EIPR1: variants seen among roughly 807,000 people sequenced by gnomAD.
The protein encoded by EIPR1 is EARP complex and GARP complex interacting protein 1.
In EIPR1, 25 loss-of-function variants were observed where a neutral mutation model predicts 48.1. The observed-to-expected ratio is 0.52, with a 90% confidence interval of 0.38 to 0.73. The LOEUF (loss-of-function observed/expected upper bound fraction) is 0.73, where lower values mean the gene tolerates loss of function less well. Ranked by LOEUF, EIPR1 falls within the 30% of genes least tolerant of loss-of-function variation. The probability of loss-of-function intolerance (pLI) is 0.00; values close to 1 mark genes in which losing one functional copy is unlikely to be tolerated. For missense variants in EIPR1, 415 were observed against 506.2 expected, an observed-to-expected ratio of 0.82 and a Z score of 1.73; for synonymous variants, 204 against 201.9, an observed-to-expected ratio of 1.01 and a Z score of -0.09.
chr2:3,359,118 G>A (rs867742047), intron 1 of EIPR1, among the ~76,000 whole-genome samples: 3 of 152,134 alleles, frequency 2.0e-5, no homozygotes, highest in East Asian at 1.9e-4. Context: ...GATGATAGAC[G>A]ATTAAGTATC....
chr2:3,343,561 G>A (rs1474256714), intron 2 of EIPR1, among the ~76,000 whole-genome samples: 4 of 152,210 alleles, frequency 2.6e-5, no homozygotes, highest in Admixed American at 2.6e-4. Flanking sequence ...TCAAACTCAT[G>A]TATTTTGAAT....
intron 3 of EIPR1, among the ~76,000 whole-genome samples, chr2:3,263,215 C>T (rs1448169603): frequency 6.6e-6 from 1 of 152,176 alleles, no homozygotes; most frequent in Non-Finnish European, 1.5e-5. Flanking sequence ...GGGCTCCCAG[C>T]ACTGCTCTGG....
At chr2:3,277,249 C>T (rs1667879731) in intron 3 of EIPR1, among the ~76,000 whole-genome samples, 1 of 151,184 alleles carries the variant, frequency 6.6e-6, no homozygotes, top group African/African-American at 2.4e-5. Context: ...CGGCCCCACA[C>T]CTGTCTCCAC....
intron 1 of EIPR1, among the ~76,000 whole-genome samples, chr2:3,376,244 G>T (rs545040711): frequency 1.3e-5 from 2 of 152,212 alleles, no homozygotes; most frequent in African/African-American, 2.4e-5. Flanking sequence ...CAGCCATGAG[G>T]TGGGGGGGAG....
intron 2 of EIPR1, among the ~76,000 whole-genome samples, chr2:3,341,265 G>A (rs569776092): frequency 2.6e-5 from 4 of 152,236 alleles, no homozygotes; most frequent in Admixed American, 6.5e-5. Flanking sequence ...CACCTTGTGC[G>A]ATTACCTCAG....
intron 5 of EIPR1, among the ~76,000 whole-genome samples, chr2:3,198,703 CCAG>C (rs1664896066): frequency 6.6e-6 from 1 of 152,054 alleles, no homozygotes; most frequent in South Asian, 2.1e-4. Flanking sequence ...AGCCGTAAAA[CCAG>C]CAAGTTTTTA....
At chr2:3,222,524 T>C (rs1665928832) in intron 4 of EIPR1, among the ~76,000 whole-genome samples, 1 of 31,474 alleles carries the variant, frequency 3.2e-5, no homozygotes, top group Non-Finnish European at 1.2e-4. Flanking sequence ...TTGATTTGCT[T>C]TAGAAAATAA....
At position 3,356,129 on chromosome 2, in the gene EIPR1, C is replaced by T. The variant is rs148285863; in HGVS notation, c.43-1496G>A. 3.6e-3 allele frequency among the ~76,000 whole-genome samples: 548 copies of T among 152,340 alleles called. 3 individuals carry two copies. Among genetic ancestry groups the T allele is most frequent in the Middle Eastern group, 0.031 (9 of 294 alleles). On this transcript the variant is annotated intron_variant, in intron 1 of 8. Coordinates refer to ENST00000382125, the MANE Select transcript of EIPR1 (RefSeq NM_003310.5). Reference sequence around the variant, plus strand: ...TCCAATGGGGAGCTCTGGAGCCGGACGGCCCTTCAGAGTTAAGGCCAGATG... The same window carrying T: ...TCCAATGGGGAGCTCTGGAGCCGGATGGCCCTTCAGAGTTAAGGCCAGATG...
chr2:3,215,740 G>GCATA (rs1387324774), intron 4 of EIPR1, among the ~76,000 whole-genome samples: 6 of 152,192 alleles, frequency 3.9e-5, no homozygotes, highest in African/African-American at 1.4e-4. Context: ...GCACCCTCAA[G>GCATA]CATACCTCCC....
In EIPR1 at chr2:3,218,703, G is replaced by A. The variant is rs542193967; in HGVS notation, c.417-4455C>T. On this transcript the variant is annotated intron_variant, in intron 4 of 8. Transcript: ENST00000382125. Reference sequence around the variant, plus strand: ...AGTGAGTCAGGTGGACACCCAACACGGCCCTGATACGCTCTAGAGCTTTCA... The same window carrying A: ...AGTGAGTCAGGTGGACACCCAACACAGCCCTGATACGCTCTAGAGCTTTCA... 4.0e-5 allele frequency among the ~76,000 whole-genome samples: 6 copies of A among 149,484 alleles called. No individual in the cohort carries two copies. In the East Asian group the frequency reaches 8.2e-4, roughly 20 times the overall value.
At chr2:3,190,007 T>C (rs1664548253) in intron 8 of EIPR1, among the ~76,000 whole-genome samples, 3 of 152,102 alleles carry the variant, frequency 2.0e-5, no homozygotes, top group East Asian at 1.9e-4. Flanking sequence ...CTTGCTAGGA[T>C]GGGAGTGGGG....
At chr2:3,360,307 G>T (rs1039872192) in intron 1 of EIPR1, among the ~76,000 whole-genome samples, 94 of 152,130 alleles carry the variant, frequency 6.2e-4, no homozygotes, top group African/African-American at 2.2e-3. Context: ...AAGAGGCTAA[G>T]GCAGGAGAAT....
chr2:3,299,661 T>TACAC (rs1668711576), intron 3 of EIPR1, among the ~76,000 whole-genome samples: 1 of 114,076 alleles, frequency 8.8e-6, no homozygotes, highest in African/African-American at 3.3e-5. Flanking sequence ...CACACACACT[T>TACAC]TGAGTTATGG....
intron 4 of EIPR1, among the ~76,000 whole-genome samples, chr2:3,257,054 G>T (rs1470374152): frequency 6.6e-6 from 1 of 152,208 alleles, no homozygotes; most frequent in Admixed American, 6.5e-5. Flanking sequence ...GGTCCCCACG[G>T]GCAACACTCC....
At chr2:3,297,326 T>C (rs1668632634) in intron 3 of EIPR1, among the ~76,000 whole-genome samples, 1 of 152,256 alleles carries the variant, frequency 6.6e-6, no homozygotes, top group African/African-American at 2.4e-5. Flanking sequence ...CAGCCACACC[T>C]GCCTCACCTG....
intron 3 of EIPR1, among the ~76,000 whole-genome samples, chr2:3,266,164 T>C (rs1328696147): frequency 6.6e-6 from 1 of 152,142 alleles, no homozygotes; most frequent in African/African-American, 2.4e-5. Context: ...TGAGCATGAA[T>C]AGTAGCTCCA....
At chr2:3,244,782 G>A (rs1666744687) in intron 4 of EIPR1, among the ~76,000 whole-genome samples, 1 of 152,218 alleles carries the variant, frequency 6.6e-6, no homozygotes, top group South Asian at 2.1e-4. Flanking sequence ...TTATGGGATT[G>A]TGCTAAAGCA....
intron 5 of EIPR1, among the ~76,000 whole-genome samples, chr2:3,210,036 C>T (rs187412151): frequency 1.3e-5 from 2 of 152,232 alleles, no homozygotes; most frequent in South Asian, 2.1e-4. Flanking sequence ...CTCTGGGTGA[C>T]GGTGATGTGC....
intron 3 of EIPR1, among the ~76,000 whole-genome samples, chr2:3,302,605 G>A (rs900737322): frequency 1.3e-5 from 2 of 152,262 alleles, no homozygotes; most frequent in Non-Finnish European, 2.9e-5. Context: ...AGACAGCGAT[G>A]GCAGTGACGT....
Sources: gnomAD v4.1 joint callset for allele counts (sites outside exome capture counted in the v4.1 genomes callset) on GRCh38, gnomAD v4.1.1 for gene constraint, MANE v1.5 for transcripts, NCBI Gene and HGNC (gene_info 2026-07-23, HGNC 2026-07-21) for gene names.